Variants in GSN observed in about 807,000 individuals in gnomAD.
GSN encodes the protein actin-depolymerizing factor.
A neutral mutation model predicts 85.7 loss-of-function variants in GSN; 56 were observed. The observed-to-expected ratio is 0.65, with a 90% confidence interval of 0.53 to 0.82. GSN has a LOEUF of 0.82. Among genes scored for constraint, GSN ranks in the 40% least tolerant of loss-of-function variants. GSN has a pLI of 0.00. For synonymous variants in GSN, 373 were observed against 399.1 expected, an observed-to-expected ratio of 0.93 and a Z score of 0.78; for missense variants, 857 against 979.8, an observed-to-expected ratio of 0.87 and a Z score of 1.67.
At chr9:121,235,652 C>A (rs973791100) in intron 5 of GSN, among the ~76,000 whole-genome samples, 1 of 152,174 alleles carries the variant, frequency 6.6e-6, no homozygotes, top group Admixed American at 6.5e-5. Flanking sequence ...TCTTCTGCAT[C>A]GGTGCAGCTG....
intron 5 of GSN, among the ~76,000 whole-genome samples, chr9:121,240,424 A>G (rs759092193): frequency 6.6e-5 from 10 of 152,242 alleles, no homozygotes; most frequent in Non-Finnish European, 8.8e-5. Flanking sequence ...AAGCAAAGAA[A>G]GAGAATGTAC....
chr9:121,318,126 T>C lies in GSN; in HGVS notation c.887-280T>C, dbSNP rs1189888075. 1.3e-5 allele frequency among the ~76,000 whole-genome samples: 2 copies of C among 152,234 alleles called. No individual in the cohort carries two copies. The highest frequency in any genetic ancestry group is 2.9e-5 in the Non-Finnish European group (2 of 68,038). On this transcript the variant is annotated intron_variant, in intron 8 of 17. Transcript: ENST00000432226. The surrounding 1 kb of genome is among the most constrained non-coding windows in gnomAD (Gnocchi z 4.3). Reference sequence around the variant, plus strand: ...CAACTTTTTTTATTACTTAAGACTATTCTGTGAATTAAATAATCTATGCAT... The same window carrying C: ...CAACTTTTTTTATTACTTAAGACTACTCTGTGAATTAAATAATCTATGCAT...
chr9:121,230,040 AT>A (rs1193226456), intron 4 of GSN, among the ~76,000 whole-genome samples: 2 of 152,246 alleles, frequency 1.3e-5, no homozygotes, highest in East Asian at 3.9e-4. Flanking sequence ...GTAGAGGGAT[AT>A]TTTTTAATTC....
At chr9:121,312,246 C>T (rs1344695406) in intron 5 of GSN, 93 bp from the exon 6 acceptor site, 4 of 1,370,666 alleles carry the variant, frequency 2.9e-6, no homozygotes, top group Non-Finnish European at 4.2e-6. Flanking sequence ...ACAGGGTGAG[C>T]CTGCACACCA....
chr9:121,286,149 C>T (rs763785841), intron 2 of GSN: 18 of 1,535,330 alleles, frequency 1.2e-5, no homozygotes, highest in South Asian at 7.1e-5. Context: ...TCGCGATGGC[C>T]GAGGAAGAAG....
intron 6 of GSN, chr9:121,313,521 C>T: frequency 3.3e-6 from 1 of 299,196 alleles, no homozygotes; most frequent in Non-Finnish European, 6.6e-6. Flanking sequence ...GAGTAGGTGA[C>T]TTCATCTTTC....
intron 6 of GSN, 108 bp downstream of exon 6, chr9:121,312,596 C>T: frequency 1.2e-6 from 1 of 807,932 alleles, no homozygotes; most frequent in Middle Eastern, 3.8e-4. Flanking sequence ...AAAACTTCCG[C>T]TCTACCCCAC....
Position 121,326,536 on chromosome 9 carries a change from C to A in GSN, c.1441C>A (p.Pro481Thr), listed in dbSNP as rs1468193571. Reference protein sequence around the residue: ...VQSRVVQGKEPAHLMSLFGGK... With the variant: ...VQSRVVQGKETAHLMSLFGGK... ...GAGCCGTGTGGTCCAAGGCAAGGAGCCCGCCCACCTCATGAGCCTGTTTGG... is the reference window on the plus strand; with the variant it reads ...GAGCCGTGTGGTCCAAGGCAAGGAGACCGCCCACCTCATGAGCCTGTTTGG... Residue 481 changes from proline to threonine, a missense_variant, in exon 13 of 18, where the codon CCC becomes ACC. By Grantham distance (38) the Pro-to-Thr change is conservative (BLOSUM62 -1). Transcript: ENST00000432226. 7 of 1,613,942 alleles carry A rather than the reference C, an allele frequency of 4.3e-6. No individual in the cohort carries two copies. In the Admixed American group the frequency reaches 8.3e-5, roughly 19 times the overall value.
At chr9:121,320,040 G>A (rs2062217098) in intron 10 of GSN, among the ~76,000 whole-genome samples, 1 of 152,166 alleles carries the variant, frequency 6.6e-6, no homozygotes, top group Non-Finnish European at 1.5e-5. Context: ...GGGCGGTGTG[G>A]TAAGACCCCT....
At chr9:121,234,859 A>C (rs113074386) in intron 5 of GSN, among the ~76,000 whole-genome samples, 17 of 152,286 alleles carry the variant, frequency 1.1e-4, no homozygotes, top group African/African-American at 2.4e-4. Flanking sequence ...TAAACAAATA[A>C]ATTAAATAGT....
At chr9:121,231,696 T>C (rs1219948111) in intron 5 of GSN, among the ~76,000 whole-genome samples, 2 of 152,174 alleles carry the variant, frequency 1.3e-5, no homozygotes, top group Admixed American at 1.3e-4. Flanking sequence ...CTCGTGGTGA[T>C]GTAGCAGGCA....
intron 5 of GSN, among the ~76,000 whole-genome samples, chr9:121,232,904 C>A (rs1425772544): frequency 6.6e-6 from 1 of 152,190 alleles, no homozygotes; most frequent in Non-Finnish European, 1.5e-5. Flanking sequence ...TCTCAGCTTA[C>A]AATTCAGAGG....
chr9:121,212,746 C>T (rs574739324), intron 4 of GSN, among the ~76,000 whole-genome samples: 4 of 151,626 alleles, frequency 2.6e-5, no homozygotes, highest in Non-Finnish European at 5.9e-5. Context: ...CTGATTCAAG[C>T]AATTCTCCTG....
intron 14 of GSN, among the ~76,000 whole-genome samples, chr9:121,328,021 G>A (rs957178344): frequency 6.6e-6 from 1 of 152,142 alleles, no homozygotes; most frequent in African/African-American, 2.4e-5. Context: ...GTGGGAAGGA[G>A]CAGTTGGTCT....
intron 2 of GSN, among the ~76,000 whole-genome samples, chr9:121,297,158 A>G (rs1174440922): frequency 2.0e-5 from 3 of 152,216 alleles, no homozygotes; most frequent in African/African-American, 7.2e-5. Context: ...GCATCACTAT[A>G]AGCATATTTT....
chr9:121,244,692 A>G (rs2132214099), intron 5 of GSN, among the ~76,000 whole-genome samples: 1 of 152,362 alleles, frequency 6.6e-6, no homozygotes, highest in South Asian at 2.1e-4. Flanking sequence ...TAATCGATGG[A>G]AAACTAATTG....
intron 4 of GSN, among the ~76,000 whole-genome samples, chr9:121,224,107 A>T (rs937592880): frequency 6.6e-6 from 1 of 151,766 alleles, no homozygotes; most frequent in Non-Finnish European, 1.5e-5. Context: ...TTATTTATTT[A>T]TTTTTTAGAG....
At chr9:121,256,164 G>T (rs2054954008) in intron 6 of GSN, among the ~76,000 whole-genome samples, 1 of 152,166 alleles carries the variant, frequency 6.6e-6, no homozygotes, top group Non-Finnish European at 1.5e-5. Flanking sequence ...AAGAGCGGGA[G>T]GGGAAGGCTA....
chr9:121,216,705 T>C (rs76777611), intron 4 of GSN, among the ~76,000 whole-genome samples: 2,803 of 152,320 alleles, frequency 0.018, 76 homozygotes, highest in African/African-American at 0.061. Flanking sequence ...GATTATTCTA[T>C]TACCCACTTC....
Sources: allele counts gnomAD v4.1 joint callset (sites outside exome capture counted in the v4.1 genomes callset), GRCh38; gene constraint gnomAD v4.1.1; non-coding constraint Gnocchi (gnomAD v3.1); transcripts MANE v1.5; gene names NCBI Gene and HGNC (gene_info 2026-07-23, HGNC 2026-07-21).